Variants in GLMN observed in about 807,000 individuals in gnomAD.
GLMN encodes glomulin, FKBP associated protein.
In GLMN, 75 loss-of-function variants were observed where a neutral mutation model predicts 87.8. The ratio of observed to expected loss-of-function variants is 0.85; its 90% confidence interval spans 0.71 to 1.04. GLMN has a LOEUF of 1.04. Ranked by LOEUF, GLMN falls within the 50% of genes least tolerant of loss-of-function variation. The pLI, the probability that GLMN is intolerant of heterozygous loss-of-function variation, is 0.00. For synonymous variants in GLMN, 206 were observed against 221.6 expected (o/e 0.93, Z 0.63); for missense variants, 588 against 658.8 (o/e 0.89, Z 1.18).
intron 16 of GLMN, among the ~76,000 whole-genome samples, chr1:92,260,337 TG>T (rs1654865397): frequency 6.6e-6 from 1 of 152,048 alleles, no homozygotes; most frequent in African/African-American, 2.4e-5. Context: ...GCCTGTTGGC[TG>T]GGTGTGGTGG....
At chr1:92,330,439 A>ATT in the GLMN span, among the ~76,000 whole-genome samples, 616 of 61,470 alleles carry the variant, frequency 0.01, 88 homozygotes, top group African/African-American at 0.024. Context: ...TGGGTTGTCA[A>ATT]TTTTTTTTTT....
At chr1:92,302,710 T>C (rs1402705521), upstream of GLMN, among the ~76,000 whole-genome samples, 1 of 146,694 alleles carries the variant, frequency 6.8e-6, no homozygotes, top group East Asian at 2.0e-4. Flanking sequence ...CACGCCATTC[T>C]CCTGCCTCAG....
chr1:92,251,794 CTTTT>C (rs35251154), intron 16 of GLMN, among the ~76,000 whole-genome samples: 2 of 142,994 alleles, frequency 1.4e-5, no homozygotes, highest in Admixed American at 7.0e-5. Flanking sequence ...ATTCCCAAAA[CTTTT>C]TTTTTTTTTT....
At chr1:92,273,127 G>A (rs1432356243) in intron 7 of GLMN, among the ~76,000 whole-genome samples, 2 of 152,108 alleles carry the variant, frequency 1.3e-5, no homozygotes, top group Admixed American at 6.6e-5. Context: ...TGACTTTGTG[G>A]GGAATTATAA....
chr1:92,302,169 C>G (rs1650898348), upstream of GLMN, among the ~76,000 whole-genome samples: 1 of 151,994 alleles, frequency 6.6e-6, no homozygotes, highest in African/African-American at 2.4e-5. Context: ...CCCAGCTGCT[C>G]AGGAGGCTGA....
At chr1:92,323,213 A>AC in the GLMN span, among the ~76,000 whole-genome samples, 1 of 151,332 alleles carries the variant, frequency 6.6e-6, no homozygotes, top group Admixed American at 6.6e-5. Context: ...AAGGAAGAAT[A>AC]CAGAAGGAGA....
intron 5 of GLMN, among the ~76,000 whole-genome samples, chr1:92,289,444 C>T (rs116617632): frequency 5.8e-4 from 88 of 152,040 alleles, no homozygotes; most frequent in African/African-American, 2.0e-3. Flanking sequence ...GTTATAAGCA[C>T]AAAATATAAG....
At chr1:92,311,651 A>G in the GLMN span, among the ~76,000 whole-genome samples, 1 of 152,184 alleles carries the variant, frequency 6.6e-6, no homozygotes, top group Non-Finnish European at 1.5e-5. Context: ...TCTTTCTTAC[A>G]TTATTGTGAA....
At chr1:92,360,552 G>C in the GLMN span, among the ~76,000 whole-genome samples, 3 of 152,154 alleles carry the variant, frequency 2.0e-5, no homozygotes, top group African/African-American at 7.2e-5. Context: ...CGTTAGACAG[G>C]CAAGGCTGGA....
chr1:92,247,700 C>T (rs1013038589), intron 17 of GLMN, among the ~76,000 whole-genome samples, 178 bp downstream of exon 17: 6 of 152,044 alleles, frequency 3.9e-5, no homozygotes, highest in Admixed American at 6.6e-5. Flanking sequence ...TTCATTAACC[C>T]GATTTTAGGT....
chr1:92,303,910 C>T, upstream of GLMN: 1 of 1,049,196 alleles, frequency 9.5e-7, no homozygotes. Flanking sequence ...ATTGATGAGG[C>T]TTAGAGAGCT....
chr1:92,322,995 ATG>A, the GLMN span, among the ~76,000 whole-genome samples: 1 of 146,608 alleles, frequency 6.8e-6, no homozygotes, highest in Non-Finnish European at 1.5e-5. Context: ...ATATGTAAAT[ATG>A]TGTACATATA....
At chr1:92,299,162 T>C, upstream of GLMN, 2 of 1,470,034 alleles carry the variant, frequency 1.4e-6, no homozygotes, top group Non-Finnish European at 1.8e-6. Flanking sequence ...AGCAAGGATC[T>C]CTTCCCACTT....
At chr1:92,285,863 A>G (rs1377416043) in intron 7 of GLMN, among the ~76,000 whole-genome samples, 1 of 152,240 alleles carries the variant, frequency 6.6e-6, no homozygotes, top group Non-Finnish European at 1.5e-5. Context: ...ACAGAATCTG[A>G]GCACATTTTA....
At chr1:92,252,399 G>GA (rs914126928) in intron 16 of GLMN, among the ~76,000 whole-genome samples, 4 of 150,114 alleles carry the variant, frequency 2.7e-5, no homozygotes, top group Non-Finnish European at 3.0e-5. Flanking sequence ...AACTCAAAAG[G>GA]AAAAAAAAAT....
At chr1:92,258,076 A>G (rs1654491556) in intron 16 of GLMN, among the ~76,000 whole-genome samples, 1 of 151,604 alleles carries the variant, frequency 6.6e-6, no homozygotes, top group Non-Finnish European at 1.5e-5. Flanking sequence ...AGAAAAAAAA[A>G]CCCATCAAAA....
At chr1:92,352,345 C>T in the GLMN span, among the ~76,000 whole-genome samples, 1 of 152,200 alleles carries the variant, frequency 6.6e-6, no homozygotes, top group Non-Finnish European at 1.5e-5. Flanking sequence ...TAGGCAGCCA[C>T]TTTAGGTAAC....
At position 92,247,916 on chromosome 1, in the gene GLMN, G is replaced by T; in HGVS notation, c.1547C>A (p.Ser516Ter). 7.1e-7 allele frequency: 1 copy of T among 1,401,592 alleles called. No homozygotes were observed. Among genetic ancestry groups the T allele is most frequent in the South Asian group, 1.2e-5 (1 of 86,736 alleles). The allele number at this position is 1,401,592 out of a possible 1,614,324, so 86.8% of individuals were successfully genotyped here. ...LKPLHIGLNM[S>*]KAHYEAEIKN... ...AATTTCTGCTTCATAATGTGCTTTT[G>T]ACATATTAAGTCCTATATGAAGTGG... The change falls in exon 17 of 19, where the codon TCA becomes TAA. Residue 516 changes from serine to a stop codon, truncating the protein, a stop_gained. Transcript: ENST00000370360. LOFTEE classifies it high-confidence loss of function.
intron 12 of GLMN, 64 bp downstream of exon 12, chr1:92,266,631 AAAATT>A (rs1178793011): frequency 1.2e-5 from 16 of 1,287,466 alleles, no homozygotes; most frequent in African/African-American, 3.0e-5. Flanking sequence ...TTTTAAAAAG[AAAATT>A]AAATTATTTG....
Sources: gnomAD v4.1 joint callset for allele counts (sites outside exome capture counted in the v4.1 genomes callset) on GRCh38, gnomAD v4.1.1 for gene constraint, MANE v1.5 for transcripts, NCBI Gene and HGNC (gene_info 2026-07-23, HGNC 2026-07-21) for gene names.